The following FAAP20 variants were observed in gnomAD, a reference collection of about 807,000 sequenced individuals.
FAAP20 encodes FA core complex associated protein 20, also known as Fanconi anemia core complex-associated protein 20.
FAAP20 carries 12 observed loss-of-function variants against 16.2 expected under a neutral mutation model. The observed-to-expected ratio is 0.74, with a 90% CI of 0.48 to 1.20. The LOEUF (loss-of-function observed/expected upper bound fraction) is 1.20, where lower values mean the gene tolerates loss of function less well. FAAP20 is among the 50% of genes most tolerant of loss of function. FAAP20 has a pLI of 0.00. For missense variants in FAAP20, 288 were observed against 245.8 expected, an observed-to-expected ratio of 1.17 and a Z score of -1.15; for synonymous variants, 141 against 110.7, an observed-to-expected ratio of 1.27 and a Z score of -1.72.
At chr1:2,210,917 G>C (rs1689417150), downstream of FAAP20, among the ~76,000 whole-genome samples, 1 of 152,254 alleles carries the variant, frequency 6.6e-6, no homozygotes, top group African/African-American at 2.4e-5. Flanking sequence ...TTGCTGCGGG[G>C]GACCTGGGCC....
upstream of FAAP20, among the ~76,000 whole-genome samples, chr1:2,197,620 T>TGGGGCAGAAGGC (rs1553185287): frequency 1.3e-5 from 2 of 152,192 alleles, no homozygotes; most frequent in Non-Finnish European, 1.5e-5. Context: ...GCCAGTGCCA[T>TGGGGCAGAAGGC]GGGGCAGAAG....
chr1:2,196,031 T>C (rs1261619850), upstream of FAAP20, among the ~76,000 whole-genome samples: 1 of 152,144 alleles, frequency 6.6e-6, no homozygotes, highest in Non-Finnish European at 1.5e-5. This position sits in a 1 kb window ranked among gnomAD's most constrained non-coding sequence, Gnocchi z 4.5. Flanking sequence ...AGGTAGCCTG[T>C]GGCTGGGCCT....
chr1:2,194,740 C>A lies in FAAP20; in HGVS notation c.10G>T (p.Ala4Ser). MEAARRPRLGLSRR... is the reference protein window; with the variant it reads MEASRRPRLGLSRR... ...CTCAACCCCAGCCGCGGCCTCCGCG[C>A]CGCCTCCATCCAAGCCCGCGCCGGG... The change falls in exon 1 of 4, where the codon GCG (alanine) becomes TCG (serine). Residue 4 changes from alanine (A) to serine (S), a missense_variant. Coordinates refer to ENST00000378546, the MANE Select transcript of FAAP20 (RefSeq NM_182533.4). The A allele has an allele frequency of 2.5e-6, 3 of 1,195,144 alleles. No individual in the cohort carries two copies. The highest frequency in any genetic ancestry group is 3.9e-5 in the South Asian group (1 of 25,592). 74.0% of individuals were successfully genotyped at this position (1,195,144 alleles called of 1,614,324 possible). A position where few individuals can be genotyped will look rare whatever the true frequency, so the allele number is the denominator to read the frequency against.
rs759235931 is a variant in FAAP20, at chr1:2,193,741, G to A, written c.368C>T (p.Ala123Val). The A allele has an allele frequency of 6.3e-7, 1 of 1,591,482 alleles. No homozygotes were observed. Among genetic ancestry groups the A allele is most frequent in the South Asian group, 1.1e-5 (1 of 88,720 alleles). The change falls in exon 3 of 4, where the codon GCA (alanine) becomes GTA (valine). Residue 123 changes from alanine (A) to valine (V), a missense_variant. Transcript: ENST00000378546. ...SPARSLPQRP[A>V]PDPCRAPRVE... is the part of the protein sequence containing the mutation. ...CCTGGGGGCCCTGCAGGGATCAGGT[G>A]CCGGGCGCTGGGGCAGGGACCTGGC... is the stretch of plus-strand genomic sequence containing the variant.
upstream of FAAP20, among the ~76,000 whole-genome samples, chr1:2,195,934 G>C (rs1688799033): frequency 6.6e-6 from 1 of 152,218 alleles, no homozygotes; most frequent in Non-Finnish European, 1.5e-5. Context: ...TGAGCAGATG[G>C]AGATGCAGCG....
At chr1:2,186,420 C>T (rs1687597776), downstream of FAAP20, among the ~76,000 whole-genome samples, 1 of 152,132 alleles carries the variant, frequency 6.6e-6, no homozygotes, top group Non-Finnish European at 1.5e-5. Context: ...CACCCAAGCC[C>T]CAGGTGCCAG....
chr1:2,187,772 C>T (rs930722276), downstream of FAAP20, among the ~76,000 whole-genome samples: 15 of 151,840 alleles, frequency 9.9e-5, no homozygotes, highest in South Asian at 1.0e-3. Context: ...CCCTTGTCGT[C>T]GCCCCACGCC....
chr1:2,187,282 T>A, downstream of FAAP20: 1 of 414,520 alleles, frequency 2.4e-6, no homozygotes, highest in Non-Finnish European at 4.9e-6. Context: ...CTGAAGCCAT[T>A]TTCTTTTTTT....
At chr1:2,186,302 G>T, downstream of FAAP20, 1 of 238,014 alleles carries the variant, frequency 4.2e-6, no homozygotes, top group South Asian at 3.9e-5. Flanking sequence ...GCCGCGCCTT[G>T]CCTTGCCTCA....
At chr1:2,185,538 A>G (rs1687460273), downstream of FAAP20, 2 of 713,496 alleles carry the variant, frequency 2.8e-6, no homozygotes, top group South Asian at 3.0e-5. Context: ...CGCAATCAAG[A>G]ATTGTTTCCT....
downstream of FAAP20, among the ~76,000 whole-genome samples, chr1:2,208,373 C>A (rs909994822): frequency 1.5e-4 from 23 of 152,212 alleles, no homozygotes; most frequent in African/African-American, 5.3e-4. Context: ...TCTCTCTGCC[C>A]CCCTCCTGGC....
chr1:2,201,877 C>T (rs187432047), upstream of FAAP20, among the ~76,000 whole-genome samples: 38 of 151,292 alleles, frequency 2.5e-4, 1 homozygote, highest in Admixed American at 1.1e-3. Context: ...ATTAGCTGGG[C>T]GTGCTGGTGG....
intron 3 of FAAP20, chr1:2,192,113 G>C: frequency 1.0e-6 from 1 of 985,582 alleles, no homozygotes; most frequent in Non-Finnish European, 1.2e-6. Flanking sequence ...GACCAAGTCC[G>C]GCTGTTAGAC....
intron 3 of FAAP20, chr1:2,193,083 C>T (rs1029598855): frequency 8.9e-6 from 10 of 1,129,878 alleles, no homozygotes; most frequent in South Asian, 8.1e-5. Context: ...ATCATTCACA[C>T]CACCCCAGCC....
At chr1:2,185,060 T>C, downstream of FAAP20, 1 of 1,515,088 alleles carries the variant, frequency 6.6e-7, no homozygotes, top group Non-Finnish European at 9.0e-7. Context: ...TTTAACTGTA[T>C]CCTTAACCAC....
chr1:2,193,527 AAC>A, intron 3 of FAAP20, 110 bp downstream of exon 3: 1 of 1,481,852 alleles, frequency 6.7e-7, no homozygotes, highest in Non-Finnish European at 9.0e-7. Context: ...TCCAGTGTGA[AAC>A]AGGGCTTTAA....
chr1:2,210,035 G>C (rs1337642158), downstream of FAAP20, among the ~76,000 whole-genome samples: 2 of 152,180 alleles, frequency 1.3e-5, no homozygotes, highest in African/African-American at 4.8e-5. Context: ...CCTCAGGGTG[G>C]GGGGTCCTGA....
chr1:2,200,613 C>T (rs551302513), upstream of FAAP20: 281 of 983,448 alleles, frequency 2.9e-4, no homozygotes, highest in African/African-American at 1.6e-3. Context: ...ACATGTCACT[C>T]GTTTTAGGCT....
At chr1:2,203,148 G>A (rs1331959073), upstream of FAAP20, among the ~76,000 whole-genome samples, 1 of 152,172 alleles carries the variant, frequency 6.6e-6, no homozygotes, top group Non-Finnish European at 1.5e-5. Context: ...GGGTCCCGAG[G>A]CCCCAGGAAG....
Sources: allele counts gnomAD v4.1 joint callset (sites outside exome capture counted in the v4.1 genomes callset), GRCh38; gene constraint gnomAD v4.1.1; non-coding constraint Gnocchi (gnomAD v3.1); transcripts MANE v1.5; gene names NCBI Gene and HGNC (gene_info 2026-07-23, HGNC 2026-07-21).